NFKB1: variants seen among roughly 807,000 people sequenced by gnomAD.
NFKB1 encodes the protein nuclear factor kappa B subunit 1, also known as nuclear factor NF-kappa-B p105 subunit.
Under a neutral mutation model 105.1 loss-of-function variants are expected in NFKB1, and 9 were observed. The observed-to-expected ratio is 0.09, with a 90% confidence interval of 0.05 to 0.15. NFKB1 has a LOEUF of 0.15. Among genes scored for constraint, NFKB1 ranks in the 10% least tolerant of loss-of-function variants. The pLI is 1.00. For synonymous variants in NFKB1, 440 were observed against 442.2 expected (o/e 1.00, Z 0.06); for missense variants, 830 against 1,203.7 (o/e 0.69, Z 4.59).
Position 102,576,882 on chromosome 4 carries a change from A to G in NFKB1, c.414A>G (p.Ala138=). The G allele has an allele frequency of 6.2e-7, 1 of 1,605,362 alleles. No homozygotes were observed. Residue 138 remains alanine, a synonymous_variant, in exon 7 of 24, where the codon GCA becomes GCG. Transcript: ENST00000226574. ...GTTACTGTTTTTTCTCCAGCTTCGCAAACCTGGGTATACTTCATGTGACAA... is the reference window on the plus strand; with the variant it reads ...GTTACTGTTTTTTCTCCAGCTTCGCGAACCTGGGTATACTTCATGTGACAA... ...AGPKDMVVGF[A]NLGILHVTKK...
chr4:102,510,417 T>TA (rs916039787), intron 1 of NFKB1, among the ~76,000 whole-genome samples: 79 of 152,138 alleles, frequency 5.2e-4, no homozygotes, highest in Middle Eastern at 3.4e-3. Flanking sequence ...TTTTGTTCTG[T>TA]AAAAAAAATG....
intron 1 of NFKB1, among the ~76,000 whole-genome samples, chr4:102,506,533 T>G (rs1395068355): frequency 1.3e-5 from 2 of 152,220 alleles, no homozygotes; most frequent in Non-Finnish European, 2.9e-5. Context: ...TGGGGCCTCA[T>G]CCTAGCACAG....
intron 1 of NFKB1, among the ~76,000 whole-genome samples, chr4:102,514,080 CAGG>C (rs1431053088): frequency 6.6e-6 from 1 of 151,682 alleles, no homozygotes; most frequent in Non-Finnish European, 1.5e-5. Context: ...GAGGCTGAGG[CAGG>C]AGAACAGCGT....
At position 102,565,153 on chromosome 4, in the gene NFKB1, T is replaced by A. The variant is rs908793761; in HGVS notation, c.259-1834T>A. Among the ~76,000 whole-genome samples, 9 of 142,888 alleles carry A rather than the reference T, an allele frequency of 6.3e-5. 1 individual carries two copies. Among genetic ancestry groups the A allele is most frequent in the Admixed American group, 3.5e-4 (5 of 14,392 alleles). 93.7% of individuals were successfully genotyped at this position (142,888 alleles called of 152,430 possible). On this transcript the variant is annotated intron_variant, in intron 5 of 23. Coordinates refer to ENST00000226574, the MANE Select transcript of NFKB1 (RefSeq NM_003998.4). ...TTTATACCCAGAGTTTTTTTTTTTT[T>A]AAATGTTATACCTGTTTAAGAAATT...
At chr4:102,532,460 C>T (rs1741357296) in intron 3 of NFKB1, among the ~76,000 whole-genome samples, 1 of 152,054 alleles carries the variant, frequency 6.6e-6, no homozygotes, top group African/African-American at 2.4e-5. Flanking sequence ...AACCCCGTCT[C>T]TACTAAAAAA....
At chr4:102,510,794 G>C in intron 1 of NFKB1, 2 of 263,094 alleles carry the variant, frequency 7.6e-6, no homozygotes. Flanking sequence ...ATTGATTCAA[G>C]GTCTCACTAA....
At chr4:102,544,896 C>G (rs1272766563) in intron 5 of NFKB1, among the ~76,000 whole-genome samples, 4 of 152,202 alleles carry the variant, frequency 2.6e-5, no homozygotes, top group Non-Finnish European at 4.4e-5. Flanking sequence ...TGACCTTCCT[C>G]TATTGGCCAT....
intron 11 of NFKB1, among the ~76,000 whole-genome samples, chr4:102,590,435 A>G (rs965132381): frequency 6.6e-6 from 1 of 152,172 alleles, no homozygotes. Flanking sequence ...GTTTGTGGCA[A>G]TAGTGTCAAG....
At chr4:102,520,216 G>A (rs961187633) in intron 1 of NFKB1, among the ~76,000 whole-genome samples, 4 of 152,132 alleles carry the variant, frequency 2.6e-5, no homozygotes, top group Non-Finnish European at 5.9e-5. Context: ...CCTTAGAAAG[G>A]GAATTGTCAG....
At chr4:102,615,033 G>C (rs1047813984) in intron 23 of NFKB1, among the ~76,000 whole-genome samples, 1 of 152,034 alleles carries the variant, frequency 6.6e-6, no homozygotes. Context: ...CCAAATTCTT[G>C]CACGGCTCCT....
chr4:102,616,688 CAG>C lies in NFKB1; in HGVS notation c.*99_*100del. 1 of 1,325,636 alleles carries C rather than the reference CAG, an allele frequency of 7.5e-7. No homozygotes were observed. The highest frequency in any genetic ancestry group is 1.0e-6 in the Non-Finnish European group (1 of 966,494). The allele number at this position is 1,325,636 out of a possible 1,614,324, so 82.1% of individuals were successfully genotyped here. ...AAGCTGAAGTGCATCCAAAGGTGCTCAGAGAGCCGGCCCGCCTGAATCATTCT... is the reference window on the plus strand; with the variant it reads ...AAGCTGAAGTGCATCCAAAGGTGCTCAGAGCCGGCCCGCCTGAATCATTCT... On this transcript the variant is annotated 3_prime_UTR_variant, in exon 24 of 24. Coordinates refer to ENST00000226574, the MANE Select transcript of NFKB1 (RefSeq NM_003998.4).
rs141951153 is a variant in NFKB1, at chr4:102,593,483, C to T, written c.1125C>T (p.Phe375=). ...TCATGCCCAATTTTTCGGATAGTTTCGGCGGTGGTAGTGGTGCTGGAGCTG... is the reference window on the plus strand; with the variant it reads ...TCATGCCCAATTTTTCGGATAGTTTTGGCGGTGGTAGTGGTGCTGGAGCTG... ...QKLMPNFSDS[F]GGGSGAGAGG... Residue 375 remains phenylalanine, a synonymous_variant, in exon 12 of 24, where the codon TTC becomes TTT. Transcript: ENST00000226574. 3.7e-5 allele frequency: 60 copies of T among 1,613,454 alleles called. No individual in the cohort carries two copies. Among genetic ancestry groups the T allele is most frequent in the Admixed American group, 2.3e-4 (14 of 59,968 alleles).
chr4:102,520,140 C>T (rs6841533), intron 1 of NFKB1, among the ~76,000 whole-genome samples: 4,121 of 152,242 alleles, frequency 0.027, 169 homozygotes, highest in African/African-American at 0.092. Flanking sequence ...TGTCTTCAAA[C>T]GTTGCCAAAT....
At chr4:102,531,655 T>C (rs1281441904) in intron 3 of NFKB1, among the ~76,000 whole-genome samples, 1 of 152,192 alleles carries the variant, frequency 6.6e-6, no homozygotes, top group Non-Finnish European at 1.5e-5. Flanking sequence ...GCCAAAAGAA[T>C]GTTGGCCTTA....
At chr4:102,502,390 G>GCGCGCGCGCACACGCACA (rs1311577382) in intron 1 of NFKB1, among the ~76,000 whole-genome samples, 1 of 105,392 alleles carries the variant, frequency 9.5e-6, no homozygotes, top group Non-Finnish European at 1.8e-5. Context: ...GCGCGCGCGC[G>GCGCGCGCGCACACGCACA]CACACACACA....
At chr4:102,533,778 C>T (rs1321312594) in intron 3 of NFKB1, 67 bp from the exon 4 acceptor site, 13 of 1,340,600 alleles carry the variant, frequency 9.7e-6, no homozygotes, top group South Asian at 3.9e-5. Flanking sequence ...ACTTGCTTTA[C>T]GTTTTATACC....
chr4:102,548,313 C>A (rs376558401), intron 5 of NFKB1, among the ~76,000 whole-genome samples: 4 of 151,974 alleles, frequency 2.6e-5, no homozygotes, highest in African/African-American at 9.7e-5. Context: ...ACAGTCCATG[C>A]GAGGTGTGAG....
In NFKB1 at chr4:102,513,019, C is replaced by A. The variant is rs73837246; in HGVS notation, c.-8+11231C>A. On this transcript the variant is annotated intron_variant, in intron 1 of 23. Coordinates refer to ENST00000226574, the MANE Select transcript of NFKB1 (RefSeq NM_003998.4). ...CATAATGCATGAGGTCTACTTCTTCCTCAGTCTGAAAATATGAATATTCCA... is the reference window on the plus strand; with the variant it reads ...CATAATGCATGAGGTCTACTTCTTCATCAGTCTGAAAATATGAATATTCCA... Among the ~76,000 whole-genome samples the A allele has an allele frequency of 4.0e-3, 610 of 152,274 alleles. 4 individuals are homozygous for A. Among genetic ancestry groups the A allele is most frequent in the African/African-American group, 0.014 (578 of 41,538 alleles).
intron 1 of NFKB1, among the ~76,000 whole-genome samples, chr4:102,523,805 G>T (rs1740721564): frequency 6.6e-6 from 1 of 152,122 alleles, no homozygotes; most frequent in Non-Finnish European, 1.5e-5. Flanking sequence ...AGGGCCTTAA[G>T]CCCAGACCTG....
Sources: gnomAD v4.1 joint callset for allele counts (sites outside exome capture counted in the v4.1 genomes callset) on GRCh38, gnomAD v4.1.1 for gene constraint, MANE v1.5 for transcripts, NCBI Gene and HGNC (gene_info 2026-07-23, HGNC 2026-07-21) for gene names.